The following ANKRD31 variants were observed in gnomAD, a reference collection of about 807,000 sequenced individuals.
ANKRD31 encodes ankyrin repeat domain 31, also known as ankyrin repeat domain-containing protein 31.
In ANKRD31, 147 loss-of-function variants were observed where a neutral mutation model predicts 186.0. That is an observed-to-expected ratio of 0.79 (90% CI 0.69 to 0.91). The LOEUF (loss-of-function observed/expected upper bound fraction) is 0.91. ANKRD31 is among the 40% of genes least tolerant of loss of function. The pLI is 0.00. For synonymous variants in ANKRD31, 673 were observed against 736.4 expected (o/e 0.91, Z 1.39); for missense variants, 1,986 against 2,148.8 (o/e 0.92, Z 1.50).
intron 23 of ANKRD31, among the ~76,000 whole-genome samples, chr5:75,086,896 TAC>T (rs113465250): frequency 1.3e-5 from 2 of 152,104 alleles, no homozygotes; most frequent in Non-Finnish European, 2.9e-5. Context: ...CGCATGTGCA[TAC>T]ACACACACAT....
chr5:75,191,580 A>T (rs1021169443), intron 9 of ANKRD31, among the ~76,000 whole-genome samples: 19 of 152,136 alleles, frequency 1.2e-4, no homozygotes, highest in Non-Finnish European at 2.1e-4. Flanking sequence ...AAAACAAAAA[A>T]TTAGCAAATA....
chr5:75,199,740 G>T, intron 5 of ANKRD31, 66 bp from the exon 6 acceptor site: 1 of 1,285,870 alleles, frequency 7.8e-7, no homozygotes, highest in Non-Finnish European at 1.1e-6. Context: ...CTTCTCAGTT[G>T]ACATTTCATA....
intron 23 of ANKRD31, among the ~76,000 whole-genome samples, chr5:75,090,639 T>C (rs1045563148): frequency 6.6e-6 from 1 of 152,148 alleles, no homozygotes; most frequent in Non-Finnish European, 1.5e-5. Context: ...AGTCTGCAGG[T>C]GGATGAACAC....
chr5:75,138,010 AAAAG>A lies in ANKRD31; in HGVS notation c.3734-16_3734-13del. ...AAGTGGTGTCCAACCTAAAAAAAGAAAAAGAAAAAAAAAAACCCTGCTTCATGCG... is the reference window on the plus strand; with the variant it reads ...AAGTGGTGTCCAACCTAAAAAAAGAAAAAAAAAAAAACCCTGCTTCATGCG... On this transcript the variant is annotated splice_polypyrimidine_tract_variant and intron_variant, in intron 16 of 25. Transcript: ENST00000506364. The A allele has an allele frequency of 4.9e-6, 7 of 1,422,560 alleles. No individual in the cohort carries two copies. Among genetic ancestry groups the A allele is most frequent in the South Asian group, 3.1e-5 (2 of 63,762 alleles). The allele number at this position is 1,422,560 out of a possible 1,614,324, so 88.1% of individuals were successfully genotyped here. A position where few individuals can be genotyped will look rare whatever the true frequency, so the allele number is the denominator to read the frequency against.
intron 11 of ANKRD31, 26 bp downstream of exon 11, chr5:75,168,953 T>C (rs1461186612): frequency 1.3e-6 from 2 of 1,510,286 alleles, no homozygotes; most frequent in Non-Finnish European, 1.8e-6. Flanking sequence ...ATAGTATTTG[T>C]TCTGCAAATA....
At chr5:75,154,128 C>A in intron 12 of ANKRD31, 73 bp downstream of exon 12, 3 of 1,256,588 alleles carry the variant, frequency 2.4e-6, no homozygotes, top group South Asian at 2.5e-5. Context: ...AATTTAATTT[C>A]TTTAATTCTA....
chr5:75,168,276 C>A (rs576516753), intron 11 of ANKRD31, among the ~76,000 whole-genome samples: 2 of 152,114 alleles, frequency 1.3e-5, no homozygotes, highest in Non-Finnish European at 2.9e-5. Context: ...ATAGTTAATA[C>A]CCTTTCCCAT....
At chr5:75,193,000 T>A (rs1011536885) in intron 8 of ANKRD31, among the ~76,000 whole-genome samples, 1 of 152,082 alleles carries the variant, frequency 6.6e-6, no homozygotes, top group African/African-American at 2.4e-5. Context: ...GACCTGTGGG[T>A]TTCTCTTCTT....
At chr5:75,214,215 T>C (rs1412649117) in intron 3 of ANKRD31, among the ~76,000 whole-genome samples, 1 of 152,210 alleles carries the variant, frequency 6.6e-6, no homozygotes, top group Non-Finnish European at 1.5e-5. Flanking sequence ...CTAAACACAA[T>C]TTAAATACAC....
At chr5:75,100,630 C>T (rs1445870578) in intron 22 of ANKRD31, among the ~76,000 whole-genome samples, 1 of 150,570 alleles carries the variant, frequency 6.6e-6, no homozygotes, top group East Asian at 1.9e-4. Context: ...ATATATATTT[C>T]GGATAGTTAG....
intron 25 of ANKRD31, among the ~76,000 whole-genome samples, chr5:75,078,214 A>G (rs1281987528): frequency 1.3e-5 from 2 of 152,174 alleles, no homozygotes; most frequent in Non-Finnish European, 2.9e-5. Flanking sequence ...TCAGGTACCC[A>G]TCTTTGGGTG....
At chr5:75,168,802 A>G (rs531404001) in intron 11 of ANKRD31, among the ~76,000 whole-genome samples, 177 bp downstream of exon 11, 1 of 152,200 alleles carries the variant, frequency 6.6e-6, no homozygotes, top group South Asian at 2.1e-4. Context: ...AATGACACCT[A>G]TCATATTACA....
intron 17 of ANKRD31, among the ~76,000 whole-genome samples, chr5:75,126,778 A>G: frequency 6.6e-6 from 1 of 152,222 alleles, no homozygotes; most frequent in Admixed American, 6.5e-5. Flanking sequence ...AGACACAGGA[A>G]GCTCAGCAAT....
rs760055411 is a variant in ANKRD31, at chr5:75,080,530, A to AGATTCCATTTACTT, written c.5647+37_5647+38insAAGTAAATGGAATC. On this transcript the variant is annotated intron_variant, in intron 25 of 25. Transcript: ENST00000506364. ...CAATATGTAGAATCTAAACACTTAT[A>AGATTCCATTTACTT]AAAGTAAATGGAATTGAATATTTTC... 224 of 1,397,550 alleles carry AGATTCCATTTACTT rather than the reference A, an allele frequency of 1.6e-4. 1 individual carries two copies. In the African/African-American group the frequency reaches 2.7e-3, roughly 17 times the overall value. The allele number at this position is 1,397,550 out of a possible 1,614,324, so 86.6% of individuals were successfully genotyped here. A position where few individuals can be genotyped will look rare whatever the true frequency, so the allele number is the denominator to read the frequency against.
chr5:75,216,186 A>G (rs114273439), intron 3 of ANKRD31, among the ~76,000 whole-genome samples: 2,176 of 152,298 alleles, frequency 0.014, 64 homozygotes, highest in African/African-American at 0.049. Flanking sequence ...CTATCTGATG[A>G]TAAAGTTTTG....
intron 2 of ANKRD31, among the ~76,000 whole-genome samples, chr5:75,227,347 G>T (rs962572839): frequency 6.6e-6 from 1 of 152,008 alleles, no homozygotes; most frequent in Non-Finnish European, 1.5e-5. Flanking sequence ...GAATGAATAA[G>T]ACCTACTGTT....
chr5:75,220,686 C>T (rs1757239348), intron 3 of ANKRD31, among the ~76,000 whole-genome samples: 1 of 150,756 alleles, frequency 6.6e-6, no homozygotes, highest in African/African-American at 2.4e-5. Context: ...AGACACTTTA[C>T]ACAAGAAGAC....
chr5:75,081,669 G>A (rs999027820), intron 24 of ANKRD31, among the ~76,000 whole-genome samples: 1 of 151,786 alleles, frequency 6.6e-6, no homozygotes, highest in South Asian at 2.1e-4. Flanking sequence ...TTTGGGGTGG[G>A]TGGTGGGGAG....
intron 21 of ANKRD31, among the ~76,000 whole-genome samples, chr5:75,106,281 A>G (rs1014345780): frequency 3.9e-5 from 6 of 152,078 alleles, no homozygotes; most frequent in Non-Finnish European, 5.9e-5. Flanking sequence ...TGGTCTCAGG[A>G]ACCCCACCAT....
Sources: gnomAD v4.1 joint callset for allele counts (sites outside exome capture counted in the v4.1 genomes callset) on GRCh38, gnomAD v4.1.1 for gene constraint, MANE v1.5 for transcripts, NCBI Gene and HGNC (gene_info 2026-07-23, HGNC 2026-07-21) for gene names.